The following SPON1 variants were observed in gnomAD, a reference collection of about 807,000 sequenced individuals.
SPON1 encodes the protein spondin 1, also known as spondin-1.
In SPON1, 52 loss-of-function variants were observed where a neutral mutation model predicts 111.7. The observed-to-expected ratio is 0.47, with a 90% confidence interval of 0.37 to 0.59. The LOEUF (loss-of-function observed/expected upper bound fraction) is 0.59. Ranked by LOEUF, SPON1 falls within the 20% of genes least tolerant of loss-of-function variation. SPON1 has a pLI of 0.00. For synonymous variants in SPON1, 410 were observed against 395.8 expected (o/e 1.04, Z -0.43); for missense variants, 957 against 1,068.5 (o/e 0.90, Z 1.46).
intron 3 of SPON1, among the ~76,000 whole-genome samples, chr11:14,061,316 T>C (rs1237967797): frequency 6.6e-6 from 1 of 152,238 alleles, no homozygotes; most frequent in East Asian, 1.9e-4. Context: ...CAAGTCCTTA[T>C]GTGTGTGTGA....
intron 3 of SPON1, among the ~76,000 whole-genome samples, chr11:14,045,689 A>G (rs1201685310): frequency 2.0e-5 from 3 of 149,708 alleles, no homozygotes; most frequent in Non-Finnish European, 3.0e-5. Context: ...TACATCTTAT[A>G]TATTTACATA....
chr11:14,086,157 C>T (rs1482976922), intron 5 of SPON1, among the ~76,000 whole-genome samples: 1 of 152,046 alleles, frequency 6.6e-6, no homozygotes, highest in Admixed American at 6.5e-5. Flanking sequence ...TGCCTGATTG[C>T]CCTGGTCAGA....
At chr11:14,063,771 C>T (rs535290251) in intron 3 of SPON1, among the ~76,000 whole-genome samples, 5 of 152,354 alleles carry the variant, frequency 3.3e-5, no homozygotes, top group African/African-American at 1.2e-4. Flanking sequence ...TGGTGCTGGA[C>T]ATACCATCAT....
chr11:14,092,109 A>G (rs1430934592), intron 5 of SPON1, among the ~76,000 whole-genome samples: 3 of 152,234 alleles, frequency 2.0e-5, no homozygotes, highest in Non-Finnish European at 4.4e-5. Flanking sequence ...GCTGCAGACC[A>G]GAGCTGTTCC....
rs188158839 is a variant in SPON1, at chr11:14,142,984, G to A, written c.825+7416G>A. The stretch of plus-strand genomic sequence containing the variant: ...TGCCCTTCCATGCAAATCTCTCCCC[G>A]ACTATTTCTCAACAGAGCTGCTGCC... On this transcript the variant is annotated intron_variant, in intron 6 of 15. Transcript: ENST00000576479. Among the ~76,000 whole-genome samples, 357 of 152,204 alleles carry A rather than the reference G, an allele frequency of 2.3e-3. 1 individual carries two copies. Among genetic ancestry groups the A allele is most frequent in the Non-Finnish European group, 3.1e-3 (208 of 68,016 alleles).
intron 3 of SPON1, among the ~76,000 whole-genome samples, chr11:14,074,107 G>A (rs532196093): frequency 6.6e-6 from 1 of 152,318 alleles, no homozygotes; most frequent in African/African-American, 2.4e-5. Flanking sequence ...TATTCTCTTG[G>A]CCTGAGGAAA....
At chr11:14,173,879 T>TATTACTATCCATCCTCATCCTA (rs1554932806) in intron 6 of SPON1, among the ~76,000 whole-genome samples, 22 of 148,832 alleles carry the variant, frequency 1.5e-4, no homozygotes, top group Admixed American at 1.4e-3. Context: ...CACCTGGCCG[T>TATTACTATCCATCCTCATCCTA]GTGAGGTGTC....
intron 6 of SPON1, among the ~76,000 whole-genome samples, chr11:14,149,519 C>A (rs1347811294): frequency 6.6e-6 from 1 of 152,010 alleles, no homozygotes; most frequent in Admixed American, 6.6e-5. Flanking sequence ...TTTAGTGTAG[C>A]CTAAGTGTAC....
chr11:14,094,769 A>G (rs1849085416), intron 5 of SPON1, among the ~76,000 whole-genome samples: 1 of 152,192 alleles, frequency 6.6e-6, no homozygotes, highest in Admixed American at 6.5e-5. Flanking sequence ...GCTGCTGATG[A>G]AGAGGTTAGG....
At chr11:14,073,992 T>G (rs546367305) in intron 3 of SPON1, among the ~76,000 whole-genome samples, 1 of 152,152 alleles carries the variant, frequency 6.6e-6, no homozygotes, top group East Asian at 1.9e-4. Context: ...TCCACAGAGG[T>G]CCTGGAGGCA....
chr11:14,257,290 GA>G (rs782305235), intron 10 of SPON1, among the ~76,000 whole-genome samples: 26 of 152,202 alleles, frequency 1.7e-4, no homozygotes, highest in Non-Finnish European at 3.4e-4. Flanking sequence ...GCTGGTACAT[GA>G]TGAGTACTCA....
At chr11:13,990,845 G>A (rs1554911086) in intron 2 of SPON1, among the ~76,000 whole-genome samples, 2 of 152,108 alleles carry the variant, frequency 1.3e-5, no homozygotes, top group South Asian at 2.1e-4. Flanking sequence ...TAGTTTGGCT[G>A]GATATGAAAT....
At chr11:14,044,420 T>C (rs1848653368) in intron 3 of SPON1, among the ~76,000 whole-genome samples, 1 of 152,114 alleles carries the variant, frequency 6.6e-6, no homozygotes, top group Non-Finnish European at 1.5e-5. Context: ...AAGACCAGCC[T>C]GGTCAACATG....
rs183003740 is a variant in SPON1 at position 14,042,132 on chromosome 11, T to G, written c.479+478T>G. On this transcript the variant is annotated intron_variant, in intron 3 of 15. Coordinates refer to ENST00000576479, the MANE Select transcript of SPON1 (RefSeq NM_006108.4). ...AATGGCCCTCTGGTGCCACTTCCTA[T>G]CTGGCCTCCTGACCTCCTTTCAGTG... is the stretch of plus-strand genomic sequence containing the variant. 1.2e-3 allele frequency among the ~76,000 whole-genome samples: 182 copies of G among 152,190 alleles called. 1 individual carries two copies. The highest frequency in any genetic ancestry group is 4.2e-3 in the African/African-American group (175 of 41,542).
intron 6 of SPON1, among the ~76,000 whole-genome samples, chr11:14,149,355 TAAAG>T (rs1190331890): frequency 6.6e-6 from 1 of 152,190 alleles, no homozygotes; most frequent in Non-Finnish European, 1.5e-5. Flanking sequence ...AATAAGGATA[TAAAG>T]AATGAAAACA....
At chr11:14,077,370 A>G (rs1472201639) in intron 4 of SPON1, among the ~76,000 whole-genome samples, 6 of 152,236 alleles carry the variant, frequency 3.9e-5, no homozygotes, top group African/African-American at 1.4e-4. Flanking sequence ...AATTAAGAAC[A>G]GAGAAACAAA....
chr11:14,166,342 G>A (rs1160082188), intron 6 of SPON1, among the ~76,000 whole-genome samples: 3 of 152,098 alleles, frequency 2.0e-5, no homozygotes, highest in East Asian at 1.9e-4. Flanking sequence ...GAACAAATAT[G>A]ATCCAAATTT....
chr11:14,159,050 C>T (rs1361898827), intron 6 of SPON1, among the ~76,000 whole-genome samples: 8 of 151,872 alleles, frequency 5.3e-5, no homozygotes, highest in Non-Finnish European at 1.0e-4. Flanking sequence ...GTGTGACTTC[C>T]TTCAATGTGA....
At chr11:14,096,044 A>G (rs982526223) in intron 5 of SPON1, among the ~76,000 whole-genome samples, 11 of 152,368 alleles carry the variant, frequency 7.2e-5, no homozygotes, top group African/African-American at 2.6e-4. Context: ...TCACCAGGAA[A>G]TGGAATTTGG....
Sources: allele counts gnomAD v4.1 joint callset (sites outside exome capture counted in the v4.1 genomes callset), GRCh38; gene constraint gnomAD v4.1.1; transcripts MANE v1.5; gene names NCBI Gene and HGNC (gene_info 2026-07-23, HGNC 2026-07-21).